The following TLK1 variants were observed in gnomAD, a reference collection of about 807,000 sequenced individuals.
The protein encoded by TLK1 is serine/threonine-protein kinase tousled-like 1.
Under a neutral mutation model 105.3 loss-of-function variants are expected in TLK1, and 24 were observed. That is an observed-to-expected ratio of 0.23 (90% CI 0.17 to 0.32). TLK1 has a LOEUF of 0.32. Ranked by LOEUF, TLK1 falls within the 10% of genes least tolerant of loss-of-function variation. The pLI is 1.00. For missense variants in TLK1, 558 were observed against 910.5 expected, an observed-to-expected ratio of 0.61 and a Z score of 4.98; for synonymous variants, 321 against 310.4, an observed-to-expected ratio of 1.03 and a Z score of -0.36.
At position 171,160,262 on chromosome 2, in the gene TLK1, G is replaced by C; in HGVS notation, c.139+28C>G. ...CCGCGGCGCGGGAGAGGAGGCCCGC[G>C]AGCGGGCGCGGGCGCGGCGGTGCTT... is the stretch of plus-strand genomic sequence containing the variant. On this transcript the variant is annotated intron_variant, in intron 1 of 20. Transcript: ENST00000431350. This position sits in a 1 kb window ranked among gnomAD's most constrained non-coding sequence, Gnocchi z 4.4. The C allele has an allele frequency of 6.7e-7, 1 of 1,485,728 alleles. No individual in the cohort carries two copies. The allele number at this position is 1,485,728 out of a possible 1,614,324, so 92.0% of individuals were successfully genotyped here.
At chr2:171,197,072 A>G (rs575855913) in intron 1 of TLK1, among the ~76,000 whole-genome samples, 2 of 152,172 alleles carry the variant, frequency 1.3e-5, no homozygotes, top group South Asian at 4.1e-4. Context: ...AAGTACAAAG[A>G]AAAAAAATAC....
intron 11 of TLK1, among the ~76,000 whole-genome samples, chr2:171,038,372 T>A (rs561340669): frequency 6.6e-6 from 1 of 152,274 alleles, no homozygotes; most frequent in African/African-American, 2.4e-5. Flanking sequence ...CTCTTGCTCA[T>A]TTTCTTTCTA....
chr2:171,199,775 T>C (rs2105319321), intron 1 of TLK1, among the ~76,000 whole-genome samples: 1 of 152,348 alleles, frequency 6.6e-6, no homozygotes, highest in African/African-American at 2.4e-5. Flanking sequence ...CCTAATTTAC[T>C]GAAAGGTTTC....
intron 11 of TLK1, among the ~76,000 whole-genome samples, chr2:171,036,317 C>T (rs1405378614): frequency 1.3e-5 from 2 of 152,044 alleles, no homozygotes; most frequent in East Asian, 3.9e-4. Context: ...TGGTGGTGGG[C>T]ACCTGTAAAC....
chr2:170,999,882 C>A (rs886507133), intron 18 of TLK1, among the ~76,000 whole-genome samples: 1 of 151,994 alleles, frequency 6.6e-6, no homozygotes, highest in Non-Finnish European at 1.5e-5. Context: ...CTTTAGCCTC[C>A]CAATTAGCTG....
chr2:171,009,899 C>G (rs1340387158), intron 14 of TLK1, among the ~76,000 whole-genome samples: 1 of 152,202 alleles, frequency 6.6e-6, no homozygotes, highest in African/African-American at 2.4e-5. Context: ...CCAAATCTAT[C>G]AGAGAAGATG....
chr2:171,031,102 C>CG (rs888596533), intron 11 of TLK1, among the ~76,000 whole-genome samples: 1 of 151,978 alleles, frequency 6.6e-6, no homozygotes, highest in African/African-American at 2.4e-5. Flanking sequence ...TCACAAATCT[C>CG]AGTAAGAGTT....
At position 171,215,836 on chromosome 2, in the gene TLK1, C is replaced by T. The variant is rs552353856; in HGVS notation, c.-6+15309G>A. Among the ~76,000 whole-genome samples the T allele has an allele frequency of 2.6e-5, 4 of 152,252 alleles. No homozygotes were observed. In the South Asian group the frequency reaches 6.2e-4, roughly 24 times the overall value. ...GGAGGCCCCAGCGGGTACATGCACG[C>T]GGTGGAACGCTTTATTCCCTTTAAC... On this transcript the variant is annotated intron_variant, in intron 1 of 20. Coordinates refer to the TLK1 transcript ENST00000521943.
intron 1 of TLK1, among the ~76,000 whole-genome samples, chr2:171,130,333 C>T (rs1691049709): frequency 1.3e-5 from 2 of 152,056 alleles, no homozygotes; most frequent in East Asian, 1.9e-4. Flanking sequence ...ACCCAGGAGG[C>T]GGAGGCTGCA....
intron 2 of TLK1, among the ~76,000 whole-genome samples, chr2:171,098,216 T>C (rs529872989): frequency 6.6e-6 from 1 of 152,276 alleles, no homozygotes; most frequent in South Asian, 2.1e-4. Flanking sequence ...TATAGTACCG[T>C]ACACTTGAAA....
At chr2:171,111,585 C>CA (rs34969114) in intron 2 of TLK1, among the ~76,000 whole-genome samples, 10,577 of 113,750 alleles carry the variant, frequency 0.093, 751 homozygotes, top group East Asian at 0.35. Context: ...ATCCTGTATT[C>CA]AAAAAAAAAA....
At chr2:171,117,190 G>A (rs1481123201) in intron 2 of TLK1, among the ~76,000 whole-genome samples, 1 of 152,172 alleles carries the variant, frequency 6.6e-6, no homozygotes, top group African/African-American at 2.4e-5. Context: ...ATTCTCATAA[G>A]GAGTGCACAA....
At chr2:171,055,265 T>C (rs764923102) in intron 6 of TLK1, 93 bp from the exon 7 acceptor site, 2 of 755,346 alleles carry the variant, frequency 2.6e-6, no homozygotes, top group Non-Finnish European at 4.0e-6. Flanking sequence ...TTACTTAACA[T>C]TTCTGAAGAA....
rs187892581 is a variant in TLK1, at chr2:171,029,447, T to C, written c.1170-1042A>G. The stretch of plus-strand genomic sequence containing the variant: ...GAATTCCAGAACAGCCTGGGCAACA[T>C]AGCAAAACCCCGTCTCAATCTCCCT... On this transcript the variant is annotated intron_variant, in intron 11 of 20. Transcript: ENST00000431350. Among the ~76,000 whole-genome samples, 297 of 152,172 alleles carry C rather than the reference T, an allele frequency of 2.0e-3. 5 individuals are homozygous for C. Among genetic ancestry groups the C allele is most frequent in the Non-Finnish European group, 5.3e-4 (36 of 67,964 alleles).
intron 6 of TLK1, among the ~76,000 whole-genome samples, chr2:171,056,249 T>G (rs1575559007): frequency 6.6e-6 from 1 of 152,190 alleles, no homozygotes; most frequent in African/African-American, 2.4e-5. Context: ...TGGATATAAT[T>G]AATTCAGAAA....
chr2:171,208,464 CATTAT>C (rs1443104896), intron 1 of TLK1, among the ~76,000 whole-genome samples: 3 of 152,132 alleles, frequency 2.0e-5, no homozygotes, highest in South Asian at 2.1e-4. Flanking sequence ...GCATTAATTA[CATTAT>C]AAGAGTGGAG....
intron 1 of TLK1, among the ~76,000 whole-genome samples, chr2:171,215,972 C>A (rs1224240696): frequency 6.6e-6 from 1 of 152,150 alleles, no homozygotes; most frequent in Admixed American, 6.5e-5. Flanking sequence ...TCTCTTTGTG[C>A]CAGGCGTTGT....
intron 2 of TLK1, among the ~76,000 whole-genome samples, chr2:171,099,226 A>G (rs1400140058): frequency 1.3e-5 from 2 of 152,246 alleles, no homozygotes; most frequent in Non-Finnish European, 2.9e-5. Context: ...GCAAAGAGCA[A>G]TGTGAAAAAC....
intron 1 of TLK1, among the ~76,000 whole-genome samples, chr2:171,188,348 T>C (rs1260395006): frequency 6.6e-6 from 1 of 152,232 alleles, no homozygotes; most frequent in Non-Finnish European, 1.5e-5. Context: ...GGCGGGTGGA[T>C]GACCTAAGGT....
Sources: allele counts gnomAD v4.1 joint callset (sites outside exome capture counted in the v4.1 genomes callset), GRCh38; gene constraint gnomAD v4.1.1; non-coding constraint Gnocchi (gnomAD v3.1); transcripts MANE v1.5; gene names NCBI Gene and HGNC (gene_info 2026-07-23, HGNC 2026-07-21).